LRRC20: variants seen among roughly 807,000 people sequenced by gnomAD.
LRRC20 encodes leucine rich repeat containing 20, also known as leucine-rich repeat-containing protein 20.
LRRC20 carries 11 observed loss-of-function variants against 14.4 expected under a neutral mutation model. The observed-to-expected ratio is 0.77, with a 90% CI of 0.48 to 1.27. LRRC20 has a LOEUF of 1.27. Ranked by LOEUF, LRRC20 falls within the 50% of genes most tolerant of loss-of-function variation. LRRC20 has a pLI of 0.00. For missense variants in LRRC20, 219 were observed against 251.2 expected (o/e 0.87, Z 0.87); for synonymous variants, 121 against 107.3 (o/e 1.13, Z -0.79).
chr10:70,326,937 G>A (rs1183788291), intron 3 of LRRC20, among the ~76,000 whole-genome samples: 1 of 152,220 alleles, frequency 6.6e-6, no homozygotes, highest in African/African-American at 2.4e-5. Context: ...GGGATTACAG[G>A]CGTGAGCCAC....
Sources: allele counts gnomAD v4.1 joint callset (sites outside exome capture counted in the v4.1 genomes callset), GRCh38; gene constraint gnomAD v4.1.1; transcripts MANE v1.5; gene names NCBI Gene and HGNC (gene_info 2026-07-23, HGNC 2026-07-21).